Variants in SIL1 observed in about 807,000 individuals in gnomAD.
SIL1 encodes the protein nucleotide exchange factor SIL1.
SIL1 carries 40 observed loss-of-function variants against 49.1 expected under a neutral mutation model. The ratio of observed to expected loss-of-function variants is 0.81; its 90% confidence interval spans 0.63 to 1.06. The LOEUF is 1.06. Among genes scored for constraint, SIL1 ranks in the 50% least tolerant of loss-of-function variants. The pLI, the probability that SIL1 is intolerant of heterozygous loss-of-function variation, is 0.00. For synonymous variants in SIL1, 253 were observed against 250.8 expected, an observed-to-expected ratio of 1.01 and a Z score of -0.08; for missense variants, 500 against 572.6, an observed-to-expected ratio of 0.87 and a Z score of 1.29.
At chr5:139,197,268 CAAAAAAA>C (rs11363617) in intron 1 of SIL1, among the ~76,000 whole-genome samples, 21 of 58,822 alleles carry the variant, frequency 3.6e-4, no homozygotes, top group Admixed American at 6.5e-4. Flanking sequence ...AACTCCGCCT[CAAAAAAA>C]AAAAAAAAAA....
intron 7 of SIL1, among the ~76,000 whole-genome samples, chr5:139,001,223 AAC>A (rs1767978630): frequency 6.6e-6 from 1 of 152,250 alleles, no homozygotes; most frequent in South Asian, 2.1e-4. Flanking sequence ...GAGAAATAGG[AAC>A]CATCAAACAC....
chr5:139,051,073 A>G (rs781190776), intron 3 of SIL1, 27 bp from the exon 4 acceptor site: 3 of 1,608,664 alleles, frequency 1.9e-6, no homozygotes, highest in South Asian at 1.1e-5. Flanking sequence ...GAAAAGGCTC[A>G]TGAGGTACAA....
chr5:139,134,649 G>A (rs1265553998), intron 1 of SIL1, among the ~76,000 whole-genome samples: 1 of 152,192 alleles, frequency 6.6e-6, no homozygotes, highest in Non-Finnish European at 1.5e-5. Context: ...CCTCCTGGCT[G>A]AAAATGGAGA....
intron 1 of SIL1, among the ~76,000 whole-genome samples, chr5:139,163,349 C>T (rs1007022209): frequency 6.6e-6 from 1 of 151,904 alleles, no homozygotes; most frequent in Non-Finnish European, 1.5e-5. Flanking sequence ...AAAAGAAATG[C>T]TTCACTGTTT....
chr5:139,173,119 T>C (rs572769288), intron 1 of SIL1, among the ~76,000 whole-genome samples: 23 of 152,166 alleles, frequency 1.5e-4, no homozygotes, highest in African/African-American at 5.5e-4. Context: ...GGGTGAGAAA[T>C]GGAGCTGTTG....
At chr5:139,175,109 G>A (rs1486832733) in intron 1 of SIL1, among the ~76,000 whole-genome samples, 1 of 152,060 alleles carries the variant, frequency 6.6e-6, no homozygotes, top group Non-Finnish European at 1.5e-5. Flanking sequence ...ATCACCTGAG[G>A]TCAGGAGTTG....
rs537720266 is a variant in SIL1, at chr5:139,041,511, A to T, written c.453+1109T>A. On this transcript the variant is annotated intron_variant, in intron 5 of 9. Transcript: ENST00000394817. ...GGGGAAGGAGTGAAGAGGTAAATAA[A>T]GGCAAATGAGTGCCCAGCACGGTGG... 1.0e-3 allele frequency among the ~76,000 whole-genome samples: 153 copies of T among 152,308 alleles called. 1 individual carries two copies. The highest frequency in any genetic ancestry group is 3.9e-4 in the East Asian group (2 of 5,186).
intron 9 of SIL1, 130 bp downstream of exon 9, chr5:138,951,041 C>CTGCTTTGTG: frequency 3.9e-6 from 4 of 1,035,398 alleles, no homozygotes; most frequent in Non-Finnish European, 5.9e-6. Flanking sequence ...AACTGTCTGT[C>CTGCTTTGTG]TGTCCATCCA....
At chr5:139,137,646 C>T (rs887746023) in intron 1 of SIL1, among the ~76,000 whole-genome samples, 1 of 151,592 alleles carries the variant, frequency 6.6e-6, no homozygotes, top group Non-Finnish European at 1.5e-5. Flanking sequence ...CGTCATTTAG[C>T]ATTAGGTATA....
intron 5 of SIL1, among the ~76,000 whole-genome samples, chr5:139,027,470 A>G (rs1431781515): frequency 6.6e-6 from 1 of 152,250 alleles, no homozygotes; most frequent in African/African-American, 2.4e-5. Context: ...ACTATGGGTA[A>G]GAGCTGTCAC....
intron 1 of SIL1, chr5:139,155,395 T>C (rs1388365772): frequency 6.6e-6 from 1 of 150,726 alleles, no homozygotes; most frequent in Non-Finnish European, 1.5e-5. Flanking sequence ...GGCTGCCCTC[T>C]TGCCATGTCT....
At position 139,143,592 on chromosome 5, in the gene SIL1, G is replaced by A. The variant is rs192566170; in HGVS notation, c.-10-15739C>T. Among the ~76,000 whole-genome samples the A allele has an allele frequency of 3.8e-3, 569 of 151,626 alleles. 1 individual carries two copies. The highest frequency in any genetic ancestry group is 6.8e-3 in the Non-Finnish European group (462 of 67,858). Reference sequence around the variant, plus strand: ...TCACCTTGTTGGCCAGGCTGGTCTCGAACTCCTGACCTCAGGCAATCCGCC... The same window carrying A: ...TCACCTTGTTGGCCAGGCTGGTCTCAAACTCCTGACCTCAGGCAATCCGCC... On this transcript the variant is annotated intron_variant, in intron 1 of 9. Coordinates refer to ENST00000394817, the MANE Select transcript of SIL1 (RefSeq NM_022464.5).
intron 3 of SIL1, among the ~76,000 whole-genome samples, chr5:139,079,505 A>G (rs996155970): frequency 1.2e-4 from 19 of 152,266 alleles, no homozygotes; most frequent in African/African-American, 4.6e-4. Flanking sequence ...AAGGCTGAGT[A>G]TAATTGAATG....
chr5:139,044,602 C>T (rs1435882593), intron 4 of SIL1, among the ~76,000 whole-genome samples: 2 of 152,192 alleles, frequency 1.3e-5, no homozygotes, highest in Non-Finnish European at 2.9e-5. Flanking sequence ...CCAACCTGCA[C>T]CTAAGTCTAT....
chr5:139,185,820 T>TG (rs1438301879), intron 1 of SIL1, among the ~76,000 whole-genome samples: 1 of 152,192 alleles, frequency 6.6e-6, no homozygotes, highest in African/African-American at 2.4e-5. Context: ...TAAGCACTGC[T>TG]GGGGCACTTA....
intron 7 of SIL1, among the ~76,000 whole-genome samples, chr5:139,005,017 C>T (rs937941455): frequency 5.9e-5 from 9 of 152,018 alleles, no homozygotes; most frequent in South Asian, 2.1e-4. Context: ...TCAAAGGATA[C>T]GAAATTTCAG....
At chr5:138,970,446 G>A (rs1248855148) in intron 7 of SIL1, among the ~76,000 whole-genome samples, 1 of 152,130 alleles carries the variant, frequency 6.6e-6, no homozygotes, top group South Asian at 2.1e-4. Context: ...TGTTTTTAAG[G>A]GACCAAAATG....
At chr5:139,017,049 A>C (rs1054993043) in intron 7 of SIL1, 2 of 152,238 alleles carry the variant, frequency 1.3e-5, no homozygotes, top group African/African-American at 4.8e-5. Flanking sequence ...ACAGGGTTTC[A>C]CCATGTTGCC....
At chr5:139,002,710 C>T (rs1006667880) in intron 7 of SIL1, among the ~76,000 whole-genome samples, 1 of 152,152 alleles carries the variant, frequency 6.6e-6, no homozygotes, top group African/African-American at 2.4e-5. Flanking sequence ...TCAACTTTGC[C>T]CCCTTTGAAG....
Sources: gnomAD v4.1 joint callset for allele counts (sites outside exome capture counted in the v4.1 genomes callset) on GRCh38, gnomAD v4.1.1 for gene constraint, MANE v1.5 for transcripts, NCBI Gene and HGNC (gene_info 2026-07-23, HGNC 2026-07-21) for gene names.